The following OSCP1 variants were observed in gnomAD, a reference collection of about 807,000 sequenced individuals.
OSCP1 encodes protein OSCP1.
A neutral mutation model predicts 45.1 loss-of-function variants in OSCP1; 35 were observed. The ratio of observed to expected loss-of-function variants is 0.78; its 90% CI spans 0.59 to 1.03. OSCP1 has a LOEUF of 1.03. OSCP1 is among the 50% of genes least tolerant of loss of function. OSCP1 has a pLI of 0.00. For missense variants in OSCP1, 400 were observed against 470.7 expected (o/e 0.85, Z 1.39); for synonymous variants, 179 against 180.1 (o/e 0.99, Z 0.05).
chr1:36,418,433 T>C, intron 9 of OSCP1, 178 bp from the exon 10 acceptor site: 1 of 614,404 alleles, frequency 1.6e-6, no homozygotes, highest in Non-Finnish European at 2.9e-6. Flanking sequence ...GTCTATATAT[T>C]TTTTTTCTTA....
chr1:36,425,348 A>G (rs1463534296), intron 4 of OSCP1, among the ~76,000 whole-genome samples: 2 of 152,208 alleles, frequency 1.3e-5, no homozygotes, highest in Non-Finnish European at 2.9e-5. Context: ...CTTTCTGTGC[A>G]TCAGTTTTCC....
At chr1:36,438,619 A>G in intron 2 of OSCP1, 137 bp downstream of exon 2, 4 of 1,035,004 alleles carry the variant, frequency 3.9e-6, no homozygotes, top group Non-Finnish European at 5.3e-6. Context: ...TCTGAAACTC[A>G]ACAACTACTA....
chr1:36,447,805 A>G lies in OSCP1; in HGVS notation c.112+2453T>C. On this transcript the variant is annotated intron_variant, in intron 1 of 9. Transcript: ENST00000235532. The surrounding 1 kb of genome is among the most constrained non-coding windows in gnomAD (Gnocchi z 4.1). ...CAGTTACTGGAGTGGACTGATCAAT[A>G]GCCCTACCTCCAGTGAATGTCCAGA... 1 of 403,328 alleles carries G rather than the reference A, an allele frequency of 2.5e-6. No individual in the cohort carries two copies. Among genetic ancestry groups the G allele is most frequent in the Non-Finnish European group, 5.1e-6 (1 of 195,206 alleles). The allele number at this position is 403,328 out of a possible 1,614,324, so 25.0% of individuals were successfully genotyped here. A position where few individuals can be genotyped will look rare whatever the true frequency, so the allele number is the denominator to read the frequency against.
chr1:36,420,446 T>A, intron 8 of OSCP1, 30 bp downstream of exon 8: 2 of 1,592,036 alleles, frequency 1.3e-6, no homozygotes, highest in Non-Finnish European at 1.7e-6. Flanking sequence ...GATTTTTATA[T>A]GTCTTTAACG....
At chr1:36,445,262 A>G (rs1832580) in intron 1 of OSCP1, among the ~76,000 whole-genome samples, 15,402 of 152,242 alleles carry the variant, frequency 0.1, 935 homozygotes, top group East Asian at 0.29. Context: ...AAGCAGGAGG[A>G]TTGCTTGAAC....
At chr1:36,435,847 T>C (rs1471698452) in intron 2 of OSCP1, among the ~76,000 whole-genome samples, 1 of 152,070 alleles carries the variant, frequency 6.6e-6, no homozygotes, top group African/African-American at 2.4e-5. Context: ...TTGGCCAGGA[T>C]GGTCTCGATC....
intron 1 of OSCP1, among the ~76,000 whole-genome samples, chr1:36,446,849 A>T (rs771149779): frequency 6.6e-6 from 1 of 152,226 alleles, no homozygotes; most frequent in African/African-American, 2.4e-5. Flanking sequence ...CTTATTTATA[A>T]ATATTTTTAA....
intron 2 of OSCP1, among the ~76,000 whole-genome samples, chr1:36,433,146 A>G (rs939366458): frequency 1.3e-5 from 2 of 152,242 alleles, no homozygotes; most frequent in Non-Finnish European, 2.9e-5. Flanking sequence ...CTATGTGGAT[A>G]TCAACAAGCC....
intron 1 of OSCP1, among the ~76,000 whole-genome samples, chr1:36,441,555 T>C (rs538478826): frequency 1.5e-4 from 23 of 151,218 alleles, no homozygotes; most frequent in African/African-American, 5.1e-4. Flanking sequence ...GAGACCATCC[T>C]GGCTAACGCT....
rs71053933 is a variant in OSCP1 at position 36,434,749 on chromosome 1, C to CAAA, written c.268-2163_268-2161dup. Among the ~76,000 whole-genome samples, 322 of 69,322 alleles carry CAAA rather than the reference C, an allele frequency of 4.6e-3. 9 individuals are homozygous for CAAA. Among genetic ancestry groups the CAAA allele is most frequent in the African/African-American group, 0.014 (258 of 18,704 alleles). 45.5% of individuals were successfully genotyped at this position (69,322 alleles called of 152,430 possible). A position where few individuals can be genotyped will look rare whatever the true frequency, so the allele number is the denominator to read the frequency against. ...TGGGTGACAGAGTGAGACTTTGTCT[C>CAAA]AAAAAAAAAAAAAAAAAAAAAAGAA... On this transcript the variant is annotated intron_variant, in intron 2 of 9. Coordinates refer to ENST00000235532, the MANE Select transcript of OSCP1 (RefSeq NM_145047.5).
At chr1:36,430,039 C>T (rs1648258458) in intron 4 of OSCP1, among the ~76,000 whole-genome samples, 1 of 151,988 alleles carries the variant, frequency 6.6e-6, no homozygotes, top group Non-Finnish European at 1.5e-5. Context: ...CCACGTGATC[C>T]ACCCGCCTCG....
intron 4 of OSCP1, among the ~76,000 whole-genome samples, chr1:36,425,075 A>T (rs1647881709): frequency 6.6e-6 from 1 of 151,882 alleles, no homozygotes. Flanking sequence ...CACAAGGACA[A>T]GGCACGAGAA....
intron 2 of OSCP1, among the ~76,000 whole-genome samples, chr1:36,437,788 A>G (rs1031710812): frequency 1.1e-4 from 17 of 152,008 alleles, no homozygotes; most frequent in Non-Finnish European, 2.5e-4. Flanking sequence ...CAGTGCTAGG[A>G]TTACAGGTGT....
chr1:36,429,124 A>C (rs1648173539), intron 4 of OSCP1, among the ~76,000 whole-genome samples: 1 of 150,872 alleles, frequency 6.6e-6, no homozygotes, highest in Admixed American at 6.6e-5. Context: ...AGTGGCTCAC[A>C]CTTGTAATCC....
chr1:36,431,881 A>G lies in OSCP1; in HGVS notation c.437T>C (p.Ile146Thr), dbSNP rs1309972412. The G allele has an allele frequency of 1.2e-6, 2 of 1,612,738 alleles. No individual in the cohort carries two copies. Among genetic ancestry groups the G allele is most frequent in the Non-Finnish European group, 1.7e-6 (2 of 1,179,822 alleles). The change falls in exon 4 of 10, where the codon ATA (isoleucine) becomes ACA (threonine). Residue 146 changes from isoleucine to threonine, a missense_variant and splice_region_variant. Coordinates refer to ENST00000235532, the MANE Select transcript of OSCP1 (RefSeq NM_145047.5). ...VDETLRQLTE[I>T]YGGLSAGEFQ... The stretch of plus-strand genomic sequence containing the variant: ...CTCCCCTGCAGAGAGACCACCATAT[A>G]TCTGCCAAAGGCAAGCAGAAAGCAG...
intron 2 of OSCP1, among the ~76,000 whole-genome samples, chr1:36,435,131 G>GT (rs1270559744): frequency 3.7e-5 from 4 of 109,136 alleles, no homozygotes; most frequent in African/African-American, 1.5e-4. Context: ...GTCTCACTCT[G>GT]TTACCCAGGC....
Position 36,418,065 on chromosome 1 carries a change from G to A in OSCP1, c.*74C>T. The stretch of plus-strand genomic sequence containing the variant: ...GTAGAAAACTAGCAGCATCATTCTG[G>A]GCCATGGGGCATTCCCCAGGGGTCA... On this transcript the variant is annotated 3_prime_UTR_variant, in exon 10 of 10. Transcript: ENST00000235532. 2 of 1,178,450 alleles carry A rather than the reference G, an allele frequency of 1.7e-6. No individual in the cohort carries two copies. The highest frequency in any genetic ancestry group is 2.5e-6 in the Non-Finnish European group (2 of 803,652). The allele number at this position is 1,178,450 out of a possible 1,614,324, so 73.0% of individuals were successfully genotyped here.
chr1:36,438,829 T>G lies in OSCP1; in HGVS notation c.194A>C (p.Lys65Thr), dbSNP rs1254146105. The change falls in exon 2 of 10, where the codon AAG becomes ACG. Residue 65 changes from lysine to threonine, a missense_variant. By Grantham distance (78) the Lys-to-Thr change is moderately conservative. Transcript: ENST00000235532. ...LFKPQELYSKKALRTVYERLA... is the reference protein window; with the variant it reads ...LFKPQELYSKTALRTVYERLA... ...GCGCTCATAGACAGTCCTCAGGGCC[T>G]TCTTGGAGTAGAGCTCTTGAGGCTT... 1.2e-6 allele frequency: 2 copies of G among 1,613,852 alleles called. No homozygotes were observed. Among genetic ancestry groups the G allele is most frequent in the African/African-American group, 1.3e-5 (1 of 74,934 alleles).
intron 7 of OSCP1, 46 bp from the exon 8 acceptor site, chr1:36,420,661 ATTTCCTGCT>A (rs1647566821): frequency 6.2e-7 from 1 of 1,603,858 alleles, no homozygotes; most frequent in Non-Finnish European, 8.5e-7. Flanking sequence ...AGGCAATCAC[ATTTCCTGCT>A]AAAACCTCAG....
Sources: allele counts gnomAD v4.1 joint callset (sites outside exome capture counted in the v4.1 genomes callset), GRCh38; gene constraint gnomAD v4.1.1; non-coding constraint Gnocchi (gnomAD v3.1); transcripts MANE v1.5; gene names NCBI Gene and HGNC (gene_info 2026-07-23, HGNC 2026-07-21).